Variants in ACAD11 observed in about 807,000 individuals in gnomAD.
ACAD11 encodes the protein acyl-Coenzyme A dehydrogenase family, member 11.
Under a neutral mutation model 102.2 loss-of-function variants are expected in ACAD11, and 83 were observed. The ratio of observed to expected loss-of-function variants is 0.81; its 90% confidence interval spans 0.68 to 0.97. The LOEUF (loss-of-function observed/expected upper bound fraction) is 0.97. ACAD11 is among the 50% of genes least tolerant of loss of function. The pLI, the probability that ACAD11 is intolerant of heterozygous loss-of-function variation, is 0.00. For synonymous variants in ACAD11, 324 were observed against 319.8 expected, an observed-to-expected ratio of 1.01 and a Z score of -0.14; for missense variants, 901 against 951.7, an observed-to-expected ratio of 0.95 and a Z score of 0.70.
chr3:132,641,909 G>A, intron 4 of ACAD11, 63 bp downstream of exon 4: 1 of 1,392,952 alleles, frequency 7.2e-7, no homozygotes. Context: ...TTTTTTTGTT[G>A]ACTAATAAGG....
In ACAD11 at chr3:132,610,406, A is replaced by C. The variant is rs985578968; in HGVS notation, c.1415-5201T>G. On this transcript the variant is annotated intron_variant, in intron 11 of 19. Transcript: ENST00000264990. The stretch of plus-strand genomic sequence containing the variant: ...ACTGAAGGAAATACAGACACAAAAA[A>C]CCCTTCAAAAAACCAACGAATCCAG... Among the ~76,000 whole-genome samples, 3 of 152,138 alleles carry C rather than the reference A, an allele frequency of 2.0e-5. No individual in the cohort carries two copies. In the South Asian group the frequency reaches 6.2e-4, roughly 32 times the overall value.
intron 16 of ACAD11, 121 bp downstream of exon 16, chr3:132,576,823 G>T: frequency 2.7e-6 from 2 of 732,130 alleles, no homozygotes; most frequent in Non-Finnish European, 4.5e-6. Flanking sequence ...ACTTTTGCAC[G>T]AACCTAATAT....
chr3:132,634,650 C>G (rs1940199140), intron 5 of ACAD11, among the ~76,000 whole-genome samples: 1 of 152,044 alleles, frequency 6.6e-6, no homozygotes. Flanking sequence ...AGACTCGGAA[C>G]CAACCCAAAT....
chr3:132,646,319 A>T (rs1440130506), intron 1 of ACAD11: 1 of 151,476 alleles, frequency 6.6e-6, no homozygotes, highest in Non-Finnish European at 1.5e-5. Context: ...GATTGGATGC[A>T]TTTTTGATGA....
intron 5 of ACAD11, among the ~76,000 whole-genome samples, chr3:132,636,781 C>T (rs932638033): frequency 2.6e-5 from 4 of 151,926 alleles, no homozygotes; most frequent in East Asian, 1.9e-4. Flanking sequence ...TATTGTGTAG[C>T]GGACGAAAAT....
chr3:132,655,326 T>C (rs1937729141), intron 1 of ACAD11, among the ~76,000 whole-genome samples: 1 of 152,158 alleles, frequency 6.6e-6, no homozygotes, highest in Admixed American at 6.5e-5. Flanking sequence ...TTGTTGTTTG[T>C]TTGTTTGTTT....
intron 1 of ACAD11, chr3:132,648,701 T>A (rs567744213): frequency 6.6e-6 from 1 of 152,244 alleles, no homozygotes; most frequent in Non-Finnish European, 1.5e-5. Flanking sequence ...TCATGACTAG[T>A]GGAATCATGA....
chr3:132,658,016 C>A (rs1293148773), intron 1 of ACAD11, among the ~76,000 whole-genome samples: 1 of 151,974 alleles, frequency 6.6e-6, no homozygotes, highest in Admixed American at 6.5e-5. Flanking sequence ...CACGTGCCAC[C>A]ACGCCCGGCT....
intron 5 of ACAD11, among the ~76,000 whole-genome samples, chr3:132,635,966 T>C (rs188181567): frequency 1.5e-4 from 23 of 152,290 alleles, no homozygotes; most frequent in Admixed American, 3.9e-4. Context: ...TTGTTATCTA[T>C]GCTTTTAACA....
chr3:132,628,541 A>G (rs1939911331), intron 7 of ACAD11, 95 bp from the exon 8 acceptor site: 7 of 821,396 alleles, frequency 8.5e-6, no homozygotes, highest in Non-Finnish European at 1.3e-5. Flanking sequence ...GTGACATTAT[A>G]CTCACAGGGT....
At chr3:132,634,326 C>T (rs1940182505) in intron 5 of ACAD11, among the ~76,000 whole-genome samples, 1 of 152,194 alleles carries the variant, frequency 6.6e-6, no homozygotes, top group South Asian at 2.1e-4. Context: ...CACTGGCTAT[C>T]AGAGAAATGC....
chr3:132,563,925 AT>A (rs375979734), intron 17 of ACAD11, among the ~76,000 whole-genome samples: 150 of 152,276 alleles, frequency 9.9e-4, no homozygotes, highest in African/African-American at 3.5e-3. Flanking sequence ...AATACTCTCT[AT>A]AAAGTTGAGT....
intron 5 of ACAD11, among the ~76,000 whole-genome samples, chr3:132,632,789 T>C (rs1381238814): frequency 2.6e-5 from 4 of 152,184 alleles, no homozygotes; most frequent in African/African-American, 7.2e-5. Flanking sequence ...GAAGAGATCC[T>C]TCACATCCCT....
intron 1 of ACAD11, chr3:132,648,413 ATT>A (rs1311949155): frequency 6.6e-6 from 1 of 152,212 alleles, no homozygotes; most frequent in Non-Finnish European, 1.5e-5. Flanking sequence ...AGGAGAAAAG[ATT>A]TTTAACCCTT....
intron 13 of ACAD11, among the ~76,000 whole-genome samples, chr3:132,583,458 T>A (rs1391461081): frequency 6.6e-6 from 1 of 151,940 alleles, no homozygotes; most frequent in East Asian, 1.9e-4. Flanking sequence ...TTTATTAGTC[T>A]GCTAGAGGTC....
chr3:132,618,690 G>A lies in ACAD11; in HGVS notation c.1358C>T (p.Ala453Val), dbSNP rs1310769455. 2 of 1,607,628 alleles carry A rather than the reference G, an allele frequency of 1.2e-6. No individual in the cohort carries two copies. Among genetic ancestry groups the A allele is most frequent in the Admixed American group, 1.7e-5 (1 of 58,658 alleles). ...GLSHVDYALIAEETGKCFFAP... is the reference protein window; with the variant it reads ...GLSHVDYALIVEETGKCFFAP... ...AAAAAAGCATTTTCCTGTTTCTTCAGCAATCAAGGCATAGTCCACGTGGCT... is the reference window on the plus strand; with the variant it reads ...AAAAAAGCATTTTCCTGTTTCTTCAACAATCAAGGCATAGTCCACGTGGCT... The change falls in exon 11 of 20, where the codon GCT becomes GTT. Residue 453 changes from alanine to valine, a missense_variant. Coordinates refer to ENST00000264990, the MANE Select transcript of ACAD11 (RefSeq NM_032169.5).
At chr3:132,623,045 G>C (rs773478877) in intron 9 of ACAD11, among the ~76,000 whole-genome samples, 1 of 152,024 alleles carries the variant, frequency 6.6e-6, no homozygotes, top group Non-Finnish European at 1.5e-5. Flanking sequence ...ATTTTAAATT[G>C]GCTTAAACTG....
intron 7 of ACAD11, among the ~76,000 whole-genome samples, chr3:132,629,644 A>G (rs2107863433): frequency 6.6e-6 from 1 of 152,340 alleles, no homozygotes; most frequent in African/African-American, 2.4e-5. Context: ...GAGATGTAAC[A>G]CAACTATTTC....
intron 18 of ACAD11, 41 bp from the exon 19 acceptor site, chr3:132,559,983 CT>C: frequency 6.6e-7 from 1 of 1,507,618 alleles, no homozygotes; most frequent in Non-Finnish European, 9.1e-7. Context: ...CTTTCTTAGA[CT>C]ATACACAATG....
Sources: gnomAD v4.1 joint callset for allele counts (sites outside exome capture counted in the v4.1 genomes callset) on GRCh38, gnomAD v4.1.1 for gene constraint, MANE v1.5 for transcripts, NCBI Gene and HGNC (gene_info 2026-07-23, HGNC 2026-07-21) for gene names.